NXNL2: variants seen among roughly 807,000 people sequenced by gnomAD.
The protein encoded by NXNL2 is nucleoredoxin like 2, also known as nucleoredoxin-like protein 2.
Under a neutral mutation model 11.1 loss-of-function variants are expected in NXNL2, and 7 were observed. The ratio of observed to expected loss-of-function variants is 0.63; its 90% CI spans 0.36 to 1.18. The LOEUF (loss-of-function observed/expected upper bound fraction) is 1.18. Among genes scored for constraint, NXNL2 ranks in the 50% most tolerant of loss-of-function variants. The probability of loss-of-function intolerance (pLI) is 0.02; values close to 1 mark genes in which losing one functional copy is unlikely to be tolerated. For synonymous variants in NXNL2, 109 were observed against 101.8 expected (o/e 1.07, Z -0.42); for missense variants, 233 against 217.7 (o/e 1.07, Z -0.44).
intron 1 of NXNL2, among the ~76,000 whole-genome samples, chr9:88,563,483 C>T (rs1331963350): frequency 1.3e-5 from 2 of 152,218 alleles, no homozygotes; most frequent in Non-Finnish European, 2.9e-5. Flanking sequence ...CCACTCCCAC[C>T]CTCCTTGCGC....
At chr9:88,546,433 T>A (rs1829847534), downstream of NXNL2, among the ~76,000 whole-genome samples, 1 of 148,740 alleles carries the variant, frequency 6.7e-6, no homozygotes, top group Non-Finnish European at 1.5e-5. Context: ...TTTTTTTTTT[T>A]TTCTGAGACA....
intron 1 of NXNL2, among the ~76,000 whole-genome samples, chr9:88,558,153 GT>G (rs1830042840): frequency 1.3e-5 from 2 of 152,180 alleles, no homozygotes; most frequent in African/African-American, 4.8e-5. Flanking sequence ...TGGTCAGAGG[GT>G]TGGAACTTTC....
At chr9:88,548,288 A>G (rs1829873158), downstream of NXNL2, among the ~76,000 whole-genome samples, 1 of 127,602 alleles carries the variant, frequency 7.8e-6, no homozygotes, top group African/African-American at 2.9e-5. Context: ...GCAGTGTGCC[A>G]AGATCACACT....
At chr9:88,540,550 C>T (rs1050305960) in intron 1 of NXNL2, among the ~76,000 whole-genome samples, 14 of 152,162 alleles carry the variant, frequency 9.2e-5, no homozygotes, top group Non-Finnish European at 2.9e-5. Flanking sequence ...CACATCTGCT[C>T]TGTGTTTGAG....
exon 3 of NXNL2, chr9:88,575,123 G>A: frequency 1.0e-6 from 1 of 985,094 alleles, no homozygotes; most frequent in South Asian, 4.7e-5. Flanking sequence ...AGATATTGAA[G>A]AGGAGTTGGA....
chr9:88,539,666 C>T (rs1412321467), intron 1 of NXNL2: 9 of 152,292 alleles, frequency 5.9e-5, no homozygotes, highest in African/African-American at 2.2e-4. Context: ...GGTTGTTTCT[C>T]GTTTCTTCAC....
chr9:88,579,344 C>T (rs961807014), downstream of NXNL2, among the ~76,000 whole-genome samples: 9 of 152,144 alleles, frequency 5.9e-5, no homozygotes, highest in African/African-American at 1.7e-4. Flanking sequence ...ACAGGACCCA[C>T]GGGGTGGAGT....
chr9:88,559,701 A>G (rs1830063166), intron 1 of NXNL2, among the ~76,000 whole-genome samples: 1 of 152,178 alleles, frequency 6.6e-6, no homozygotes, highest in African/African-American at 2.4e-5. Flanking sequence ...AGTTTGTTTA[A>G]ATCCCACACT....
chr9:88,579,582 C>T (rs73490048), downstream of NXNL2, among the ~76,000 whole-genome samples: 2,498 of 152,264 alleles, frequency 0.016, 42 homozygotes, highest in African/African-American at 0.037. Context: ...TGTCACATGC[C>T]CTCTGTGGAG....
At chr9:88,574,890 A>T (rs1830326399) in intron 2 of NXNL2, among the ~76,000 whole-genome samples, 1 of 152,192 alleles carries the variant, frequency 6.6e-6, no homozygotes, top group Non-Finnish European at 1.5e-5. Context: ...TTGCAGATGT[A>T]GGGCCTGTCC....
chr9:88,579,308 G>T (rs571665997), downstream of NXNL2, among the ~76,000 whole-genome samples: 6 of 152,222 alleles, frequency 3.9e-5, no homozygotes, highest in Non-Finnish European at 5.9e-5. Flanking sequence ...CCTGAAGGAC[G>T]GGGGGCTTCC....
chr9:88,578,807 C>A (rs567738882), downstream of NXNL2, among the ~76,000 whole-genome samples: 11 of 152,350 alleles, frequency 7.2e-5, 1 homozygote, highest in South Asian at 1.4e-3. Context: ...CCTTTCTGAG[C>A]AACCTGGACT....
At chr9:88,540,772 G>A (rs1829739759) in intron 1 of NXNL2, among the ~76,000 whole-genome samples, 1 of 112,320 alleles carries the variant, frequency 8.9e-6, no homozygotes, top group African/African-American at 3.1e-5. Flanking sequence ...TTGGGGAATA[G>A]GCCTGTCCTG....
Position 88,556,548 on chromosome 9 carries a change from C to A in NXNL2, c.303-14539C>A, listed in dbSNP as rs78786420. Among the ~76,000 whole-genome samples the A allele has an allele frequency of 3.8e-3, 578 of 152,180 alleles. 6 individuals are homozygous for A. Among genetic ancestry groups the A allele is most frequent in the African/African-American group, 0.013 (548 of 41,516 alleles). On this transcript the variant is annotated intron_variant, in intron 1 of 2. Transcript: ENST00000375855. ...GAGTGTGTGCTGATTGGTCCATAAG[C>A]AGTCCTGGAAAAAGCACCATTTGAC... is the stretch of plus-strand genomic sequence containing the variant.
At chr9:88,583,273 C>T (rs567521979) in intron 1 of NXNL2, among the ~76,000 whole-genome samples, 16 of 152,316 alleles carry the variant, frequency 1.1e-4, no homozygotes, top group African/African-American at 3.8e-4. Context: ...GTGGCATGCT[C>T]GTGGAGACCC....
At chr9:88,580,202 G>A (rs1830394565), downstream of NXNL2, among the ~76,000 whole-genome samples, 1 of 149,300 alleles carries the variant, frequency 6.7e-6, no homozygotes, top group South Asian at 2.1e-4. Context: ...TGCCCAGGCT[G>A]GAGTACAGTG....
chr9:88,572,516 C>T (rs959711860), intron 2 of NXNL2, among the ~76,000 whole-genome samples: 12 of 152,192 alleles, frequency 7.9e-5, no homozygotes, highest in South Asian at 4.1e-4. Flanking sequence ...TGACGAATGA[C>T]GGGCCTTTGG....
chr9:88,570,635 C>A (rs1186529475), intron 1 of NXNL2, among the ~76,000 whole-genome samples: 1 of 152,152 alleles, frequency 6.6e-6, no homozygotes, highest in Non-Finnish European at 1.5e-5. Context: ...TATATGCAGA[C>A]TTCTTAAAAG....
At chr9:88,554,045 AG>A (rs148133050) in intron 1 of NXNL2, among the ~76,000 whole-genome samples, 2,254 of 152,224 alleles carry the variant, frequency 0.015, 56 homozygotes, top group African/African-American at 0.05. Flanking sequence ...TTCTCTCTCC[AG>A]GCCTGGGCTG....
Sources: allele counts gnomAD v4.1 joint callset (sites outside exome capture counted in the v4.1 genomes callset), GRCh38; gene constraint gnomAD v4.1.1; transcripts MANE v1.5; gene names NCBI Gene and HGNC (gene_info 2026-07-23, HGNC 2026-07-21).